Variants in SLC25A35 observed in about 807,000 individuals in gnomAD.
SLC25A35 encodes solute carrier family 25, member 35.
A neutral mutation model predicts 30.5 loss-of-function variants in SLC25A35; 32 were observed. That is an observed-to-expected ratio of 1.05 (90% CI 0.79 to 1.41). The LOEUF (loss-of-function observed/expected upper bound fraction) is 1.41, where lower values mean the gene tolerates loss of function less well. Ranked by LOEUF, SLC25A35 falls within the 40% of genes most tolerant of loss-of-function variation. SLC25A35 has a pLI of 0.00. For synonymous variants in SLC25A35, 142 were observed against 158.1 expected (o/e 0.90, Z 0.77); for missense variants, 369 against 388.0 (o/e 0.95, Z 0.41).
At chr17:8,289,459 G>C (rs757829081), downstream of SLC25A35, 10 of 1,613,978 alleles carry the variant, frequency 6.2e-6, no homozygotes, top group South Asian at 2.2e-5. Context: ...GCGGTAGCGG[G>C]GACGCAGAGA....
chr17:8,290,609 A>G lies in SLC25A35; in HGVS notation c.799T>C (p.Tyr267His). 6.5e-7 allele frequency: 1 copy of G among 1,537,070 alleles called. No homozygotes were observed. The highest frequency in any genetic ancestry group is 2.4e-5 in the East Asian group (1 of 40,936). Residue 267 changes from tyrosine to histidine, a missense_variant, in exon 5 of 5, where the codon TAC becomes CAC. By Grantham distance (83) the Tyr-to-His change is moderately conservative. Transcript: ENST00000577745. The stretch of plus-strand genomic sequence containing the variant: ...AAGTAGGAGGCACCTATACCCTTGT[A>G]CATGCCAAAAATGCCCTCGGTCCGA... ...TARTEGIFGM[Y>H]KGIGASYFRL...
rs977478835 is a variant in SLC25A35, at chr17:8,290,825, C to G, written c.729+17G>C. On this transcript the variant is annotated intron_variant, in intron 4 of 4. Coordinates refer to ENST00000577745, the MANE Select transcript of SLC25A35 (RefSeq NM_001320870.2). ...CCATCCCCTGCTTCCCGCCTGCATCCCAGAGCACTTCCTTACCTTGCCCTG... is the reference window on the plus strand; with the variant it reads ...CCATCCCCTGCTTCCCGCCTGCATCGCAGAGCACTTCCTTACCTTGCCCTG... The G allele has an allele frequency of 3.1e-6, 5 of 1,611,864 alleles. No homozygotes were observed. The highest frequency in any genetic ancestry group is 4.2e-6 in the Non-Finnish European group (5 of 1,178,338).
rs981025261 is a variant in SLC25A35 at position 8,290,323 on chromosome 17, C to T, written c.*182G>A. On this transcript the variant is annotated 3_prime_UTR_variant, in exon 5 of 5. Transcript: ENST00000577745. Reference sequence around the variant, plus strand: ...TGGGTAGGGAAGGTTTAAAGCAACACCCAAGGAAAGAAGGGAAACTCATCT... The same window carrying T: ...TGGGTAGGGAAGGTTTAAAGCAACATCCAAGGAAAGAAGGGAAACTCATCT... 21 of 1,432,580 alleles carry T rather than the reference C, an allele frequency of 1.5e-5. No individual in the cohort carries two copies. The highest frequency in any genetic ancestry group is 1.3e-4 in the East Asian group (5 of 39,868). 88.7% of individuals were successfully genotyped at this position (1,432,580 alleles called of 1,614,324 possible). A position where few individuals can be genotyped will look rare whatever the true frequency, so the allele number is the denominator to read the frequency against.
At position 8,294,647 on chromosome 17, in the gene SLC25A35, C is replaced by T. The variant is rs2151624152; in HGVS notation, c.161G>A (p.Gly54Asp). ...CAGGGCAGCAAGGCCATCCACCTTG[C>T]CGATGGTGATGAAGGCATGGAAGAC... ...RNVFHAFITI[G>D]KVDGLAALQK... Residue 54 changes from glycine to aspartate, a missense_variant, in exon 1 of 5, where the codon GGC (glycine) becomes GAC (aspartate). Physicochemically the swap from Gly to Asp is moderately conservative, Grantham distance 94 (BLOSUM62 -1). Transcript: ENST00000577745. 2.5e-6 allele frequency: 4 copies of T among 1,614,182 alleles called. No homozygotes were observed. In the East Asian group the frequency reaches 6.7e-5, roughly 27 times the overall value.
chr17:8,293,318 A>T (rs1049705182), intron 1 of SLC25A35, among the ~76,000 whole-genome samples: 3 of 152,148 alleles, frequency 2.0e-5, no homozygotes, highest in African/African-American at 7.2e-5. Context: ...TCTCTGACGT[A>T]TGTTAAATTC....
chr17:8,292,497 A>C, intron 2 of SLC25A35, 26 bp downstream of exon 2: 1 of 1,612,114 alleles, frequency 6.2e-7, no homozygotes, highest in Admixed American at 1.7e-5. Context: ...ATGGTCAGGG[A>C]CTTTGGCAGA....
intron 1 of SLC25A35, among the ~76,000 whole-genome samples, chr17:8,293,628 T>G (rs1990653567): frequency 6.6e-6 from 1 of 150,558 alleles, no homozygotes; most frequent in Non-Finnish European, 1.5e-5. Context: ...CTCAGCTCAC[T>G]GCAAGCTCCG....
intron 1 of SLC25A35, among the ~76,000 whole-genome samples, chr17:8,294,224 A>G (rs1190464350): frequency 6.6e-6 from 1 of 152,202 alleles, no homozygotes; most frequent in Non-Finnish European, 1.5e-5. Flanking sequence ...CCCAAAGCCC[A>G]TAATCTTAAT....
In SLC25A35 at chr17:8,290,236, A is replaced by G; in HGVS notation, c.*269T>C. ...CTCAAGGGTGGCAGTGGTGAGTGGG[A>G]GGAAATACACTTTGGGATGACTCGT... On this transcript the variant is annotated 3_prime_UTR_variant, in exon 5 of 5. Transcript: ENST00000577745. The G allele has an allele frequency of 7.0e-7, 1 of 1,425,090 alleles. No individual in the cohort carries two copies. The highest frequency in any genetic ancestry group is 9.1e-7 in the Non-Finnish European group (1 of 1,094,920). 88.3% of individuals were successfully genotyped at this position (1,425,090 alleles called of 1,614,324 possible).
In SLC25A35 at chr17:8,290,397, C is replaced by A; in HGVS notation, c.*108G>T. ...ACAGATGGGGAGTGGGGTTGGCTGT[C>A]CCCCATGGATGGATGAAAGGTCACC... On this transcript the variant is annotated 3_prime_UTR_variant, in exon 5 of 5. Transcript: ENST00000577745. 1 of 1,467,274 alleles carries A rather than the reference C, an allele frequency of 6.8e-7. No homozygotes were observed. The highest frequency in any genetic ancestry group is 9.0e-7 in the Non-Finnish European group (1 of 1,112,220). 90.9% of individuals were successfully genotyped at this position (1,467,274 alleles called of 1,614,324 possible). A position where few individuals can be genotyped will look rare whatever the true frequency, so the allele number is the denominator to read the frequency against.
chr17:8,292,397 A>C (rs965288731), intron 2 of SLC25A35, 126 bp downstream of exon 2: 1 of 941,998 alleles, frequency 1.1e-6, no homozygotes, highest in Non-Finnish European at 1.7e-6. Context: ...CTCCAGGGGC[A>C]AAATGGGACA....
chr17:8,289,305 A>T, downstream of SLC25A35: 1 of 1,614,088 alleles, frequency 6.2e-7, no homozygotes, highest in South Asian at 1.1e-5. Flanking sequence ...AGGGCTGTCC[A>T]TGTGGAGTCT....
In SLC25A35 at chr17:8,295,334, A is replaced by G; in HGVS notation, c.-527T>C. 4.1e-6 allele frequency: 4 copies of G among 985,704 alleles called. No homozygotes were observed. Among genetic ancestry groups the G allele is most frequent in the African/African-American group, 1.7e-5 (1 of 57,314 alleles). 61.1% of individuals were successfully genotyped at this position (985,704 alleles called of 1,614,324 possible). A position where few individuals can be genotyped will look rare whatever the true frequency, so the allele number is the denominator to read the frequency against. On this transcript the variant is annotated 5_prime_UTR_variant, in exon 1 of 5. Coordinates refer to ENST00000577745, the MANE Select transcript of SLC25A35 (RefSeq NM_001320870.2). ...CGTCCCTGAGCGTCCCCAGGCAGCC[A>G]CCGGAGCTCGCAGTAGCTTCAACCC... is the stretch of plus-strand genomic sequence containing the variant.
Position 8,290,154 on chromosome 17 carries a change from C to T in SLC25A35, c.*351G>A, listed in dbSNP as rs1990370947. On this transcript the variant is annotated 3_prime_UTR_variant, in exon 5 of 5. Coordinates refer to ENST00000577745, the MANE Select transcript of SLC25A35 (RefSeq NM_001320870.2). ...CCAGACGCCTGGGAATTGGGTCTCT[C>T]GATTCCCTTTGGTTTTGGAGGGAGG... The T allele has an allele frequency of 1.4e-6, 2 of 1,444,520 alleles. No homozygotes were observed. Among genetic ancestry groups the T allele is most frequent in the Non-Finnish European group, 9.1e-7 (1 of 1,102,868 alleles). 89.5% of individuals were successfully genotyped at this position (1,444,520 alleles called of 1,614,324 possible).
downstream of SLC25A35, chr17:8,289,927 T>C (rs767904873): frequency 7.4e-6 from 12 of 1,613,850 alleles, no homozygotes; most frequent in African/African-American, 2.7e-5. Flanking sequence ...ACATCTTTGG[T>C]CCCCAGTAAA....
In SLC25A35 at chr17:8,290,673, G is replaced by A; in HGVS notation, c.735C>T (p.Leu245=). ...NQPTDAQGKG[L]MYRGILDALL... Reference sequence around the variant, plus strand: ...GAGCGTCCAGTATCCCCCGGTACATGAGGCCCTGAGAGTGTGTCAGAGAGG... The same window carrying A: ...GAGCGTCCAGTATCCCCCGGTACATAAGGCCCTGAGAGTGTGTCAGAGAGG... Residue 245 remains leucine, a synonymous_variant, in exon 5 of 5, where the codon CTC becomes CTT. Coordinates refer to ENST00000577745, the MANE Select transcript of SLC25A35 (RefSeq NM_001320870.2). The A allele has an allele frequency of 6.3e-7, 1 of 1,581,610 alleles. No homozygotes were observed. The highest frequency in any genetic ancestry group is 8.5e-7 in the Non-Finnish European group (1 of 1,170,052).
At chr17:8,291,008 C>A in intron 3 of SLC25A35, 32 bp from the exon 4 acceptor site, 1 of 1,612,460 alleles carries the variant, frequency 6.2e-7, no homozygotes, top group South Asian at 1.1e-5. Flanking sequence ...GCGTTGTCAA[C>A]CAGCCAACTA....
In SLC25A35 at chr17:8,294,969, TG is replaced by T. The variant is rs1990766344; in HGVS notation, c.-163del. Reference sequence around the variant, plus strand: ...AAGGGTGTCAGGGTCAAATGTCAAGTGGTCAAACGTCAGCTGGAATTTGGGA... The same window carrying T: ...AAGGGTGTCAGGGTCAAATGTCAAGTGTCAAACGTCAGCTGGAATTTGGGA... On this transcript the variant is annotated 5_prime_UTR_variant, in exon 1 of 5. Transcript: ENST00000577745. 6 of 1,411,572 alleles carry T rather than the reference TG, an allele frequency of 4.3e-6. No homozygotes were observed. The highest frequency in any genetic ancestry group is 5.5e-6 in the Non-Finnish European group (6 of 1,087,962). The allele number at this position is 1,411,572 out of a possible 1,614,324, so 87.4% of individuals were successfully genotyped here.
Position 8,290,631 on chromosome 17 carries a change from C to T in SLC25A35, c.777G>A (p.Arg259=). ...GILDALLQTA[R]TEGIFGMYKG... is the part of the protein sequence containing the mutation. ...TGTACATGCCAAAAATGCCCTCGGTCCGAGCTGTCTGCAGCAGAGCGTCCA... is the reference window on the plus strand; with the variant it reads ...TGTACATGCCAAAAATGCCCTCGGTTCGAGCTGTCTGCAGCAGAGCGTCCA... Residue 259 remains arginine (R), a synonymous_variant, in exon 5 of 5, where the codon CGG becomes CGA. Coordinates refer to ENST00000577745, the MANE Select transcript of SLC25A35 (RefSeq NM_001320870.2). 5.8e-6 allele frequency: 9 copies of T among 1,542,212 alleles called. No homozygotes were observed. The highest frequency in any genetic ancestry group is 7.0e-6 in the Non-Finnish European group (8 of 1,149,676).
Sources: gnomAD v4.1 joint callset for allele counts (sites outside exome capture counted in the v4.1 genomes callset) on GRCh38, gnomAD v4.1.1 for gene constraint, MANE v1.5 for transcripts, NCBI Gene and HGNC (gene_info 2026-07-23, HGNC 2026-07-21) for gene names.